The following SH3YL1 variants were observed in gnomAD, a reference collection of about 807,000 sequenced individuals.
SH3YL1 encodes SH3 and SYLF domain containing 1.
SH3YL1 carries 41 observed loss-of-function variants against 45.8 expected under a neutral mutation model. The ratio of observed to expected loss-of-function variants is 0.89; its 90% CI spans 0.70 to 1.16. SH3YL1 has a LOEUF of 1.16. Ranked by LOEUF, SH3YL1 falls within the 50% of genes most tolerant of loss-of-function variation. The pLI is 0.00. For missense variants in SH3YL1, 389 were observed against 409.6 expected (o/e 0.95, Z 0.43); for synonymous variants, 152 against 151.4 (o/e 1.00, Z -0.03).
intron 4 of SH3YL1, among the ~76,000 whole-genome samples, chr2:235,585 C>A (rs868507564): frequency 3.6e-5 from 1 of 27,400 alleles, no homozygotes; most frequent in Non-Finnish European, 6.2e-5. Context: ...GGCAGCAGCA[C>A]GGGCCAGGGG....
chr2:264,794 G>T (rs145245512), upstream of SH3YL1: 2 of 697,856 alleles, frequency 2.9e-6, no homozygotes, highest in African/African-American at 1.9e-5. Flanking sequence ...TCATAGGACC[G>T]CCTCCGCAGG....
At chr2:230,072 A>C (rs539991096) in intron 7 of SH3YL1, 28 bp from the exon 8 acceptor site, 2 of 1,544,032 alleles carry the variant, frequency 1.3e-6, no homozygotes, top group Non-Finnish European at 1.8e-6. Context: ...ATAAATACAC[A>C]TAATTTTAAA....
rs368725946 is a variant in SH3YL1 at position 231,171 on chromosome 2, C to T, written c.554G>A (p.Arg185Gln). 1.4e-5 allele frequency: 22 copies of T among 1,611,552 alleles called. No homozygotes were observed. The highest frequency in any genetic ancestry group is 2.2e-5 in the South Asian group (2 of 90,548). Reference protein sequence around the residue: ...TNRKFYCQDIRAYDILFGDTP... With the variant: ...TNRKFYCQDIQAYDILFGDTP... ...ATCTCCAAATAAAATGTCATAAGCTCGGATATCTTGACAATAAAATCTAAT... is the reference window on the plus strand; with the variant it reads ...ATCTCCAAATAAAATGTCATAAGCTTGGATATCTTGACAATAAAATCTAAT... Residue 185 changes from arginine to glutamine, a missense_variant, in exon 7 of 10, where the codon CGA (arginine) becomes CAA (glutamine). Coordinates refer to ENST00000356150, the MANE Select transcript of SH3YL1 (RefSeq NM_015677.4).
intron 6 of SH3YL1, among the ~76,000 whole-genome samples, chr2:232,364 T>A: frequency 6.6e-6 from 1 of 152,090 alleles, no homozygotes. Flanking sequence ...GAGTTGTAAC[T>A]GGTGTGCCTT....
Position 218,708 on chromosome 2 carries a change from C to T in SH3YL1, c.*103G>A. On this transcript the variant is annotated 3_prime_UTR_variant, in exon 10 of 10. Coordinates refer to ENST00000356150, the MANE Select transcript of SH3YL1 (RefSeq NM_015677.4). The stretch of plus-strand genomic sequence containing the variant: ...CATACGGAATGGAAATTTTGTAGAA[C>T]AGAAGTTTTTTAAAATTTATATTAA... The T allele has an allele frequency of 9.9e-7, 1 of 1,007,974 alleles. No homozygotes were observed. The allele number at this position is 1,007,974 out of a possible 1,614,324, so 62.4% of individuals were successfully genotyped here. A position where few individuals can be genotyped will look rare whatever the true frequency, so the allele number is the denominator to read the frequency against.
At chr2:227,570 A>G (rs1353798953) in intron 8 of SH3YL1, among the ~76,000 whole-genome samples, 1 of 152,164 alleles carries the variant, frequency 6.6e-6, no homozygotes, top group Non-Finnish European at 1.5e-5. Flanking sequence ...CAAATAACAA[A>G]TAAATAAATA....
intron 1 of SH3YL1, among the ~76,000 whole-genome samples, chr2:254,283 T>C (rs1340045326): frequency 6.6e-6 from 1 of 152,200 alleles, no homozygotes; most frequent in African/African-American, 2.4e-5. Flanking sequence ...TGGACATTCA[T>C]ACACTCATCA....
At chr2:255,723 G>T (rs941694612) in intron 1 of SH3YL1, among the ~76,000 whole-genome samples, 1 of 151,476 alleles carries the variant, frequency 6.6e-6, no homozygotes, top group African/African-American at 2.4e-5. Flanking sequence ...ACAAGATCCA[G>T]ACCAGGAAAA....
chr2:229,634 CAGG>C (rs1401091472), intron 8 of SH3YL1, among the ~76,000 whole-genome samples: 1 of 144,574 alleles, frequency 6.9e-6, no homozygotes, highest in Non-Finnish European at 1.5e-5. Context: ...GAGGCTGAGG[CAGG>C]AGAATGGCGT....
At chr2:238,427 T>A (rs1333724644) in intron 4 of SH3YL1, among the ~76,000 whole-genome samples, 1 of 152,156 alleles carries the variant, frequency 6.6e-6, no homozygotes, top group African/African-American at 2.4e-5. Context: ...GCTTAGAAAC[T>A]GGACTCTGAT....
At position 247,615 on chromosome 2, in the gene SH3YL1, C is replaced by T; in HGVS notation, c.227-13G>A. ...GGTGCAGACCATTCTAATAAAAAAA[C>T]AAACGAACGTTATCCTAACATTAAA... On this transcript the variant is annotated splice_polypyrimidine_tract_variant and intron_variant, in intron 3 of 9. Coordinates refer to ENST00000356150, the MANE Select transcript of SH3YL1 (RefSeq NM_015677.4). The T allele has an allele frequency of 6.5e-7, 1 of 1,547,506 alleles. No individual in the cohort carries two copies. Among genetic ancestry groups the T allele is most frequent in the Non-Finnish European group, 8.7e-7 (1 of 1,145,198 alleles).
rs529613434 is a variant in SH3YL1 at position 243,643 on chromosome 2, A to C, written c.291+3895T>G. On this transcript the variant is annotated intron_variant, in intron 4 of 9. Transcript: ENST00000356150. ...ACGAAGAAGAGTTTAACTAAACTTTAAGCAACAGCCTTGCTTGGACCTTTC... is the reference window on the plus strand; with the variant it reads ...ACGAAGAAGAGTTTAACTAAACTTTCAGCAACAGCCTTGCTTGGACCTTTC... The C allele has an allele frequency of 5.1e-5, 74 of 1,448,366 alleles. 1 individual carries two copies. In the South Asian group the frequency reaches 1.0e-3, roughly 20 times the overall value. The allele number at this position is 1,448,366 out of a possible 1,614,324, so 89.7% of individuals were successfully genotyped here.
At chr2:251,101 C>T (rs983475296) in intron 2 of SH3YL1, among the ~76,000 whole-genome samples, 2 of 152,088 alleles carry the variant, frequency 1.3e-5, no homozygotes, top group African/African-American at 2.4e-5. Flanking sequence ...GGACATATTC[C>T]ACATGTCAAT....
intron 9 of SH3YL1, 134 bp from the exon 10 acceptor site, chr2:219,135 CTG>C: frequency 1.7e-6 from 1 of 585,774 alleles, no homozygotes; most frequent in Non-Finnish European, 2.9e-6. Context: ...CCACAACAGT[CTG>C]TGTAATTTTC....
Position 218,984 on chromosome 2 carries a change from T to A in SH3YL1, c.856A>T (p.Ile286Leu). ...AATGAATACAGCGCTGTCACTTCTATGGGTTGATTCAAATTGCCTGAAACA... is the reference window on the plus strand; with the variant it reads ...AATGAATACAGCGCTGTCACTTCTAAGGGTTGATTCAAATTGCCTGAAACA... The part of the protein sequence containing the change: ...HERVGNLNQP[I>L]EVTALYSFEG... Residue 286 changes from isoleucine (I) to leucine (L), a missense_variant, in exon 10 of 10, where the codon ATA becomes TTA. Coordinates refer to ENST00000356150, the MANE Select transcript of SH3YL1 (RefSeq NM_015677.4). The A allele has an allele frequency of 6.2e-7, 1 of 1,608,840 alleles. No individual in the cohort carries two copies. Among genetic ancestry groups the A allele is most frequent in the Non-Finnish European group, 8.5e-7 (1 of 1,177,978 alleles).
chr2:249,551 G>C (rs529672647), intron 3 of SH3YL1, among the ~76,000 whole-genome samples, 180 bp downstream of exon 3: 7 of 152,216 alleles, frequency 4.6e-5, no homozygotes, highest in African/African-American at 1.7e-4. Flanking sequence ...AGACGGAAAG[G>C]CTGGTTCCTG....
rs201370485 is a variant in SH3YL1 at position 233,196 on chromosome 2, G to A, written c.438C>T (p.Ser146=). 1.9e-5 allele frequency: 30 copies of A among 1,590,004 alleles called. No homozygotes were observed. The highest frequency in any genetic ancestry group is 2.3e-5 in the Non-Finnish European group (27 of 1,166,388). The change falls in exon 6 of 10, where the codon TCC becomes TCT. Residue 146 remains serine (S), a synonymous_variant. Transcript: ENST00000356150. The stretch of plus-strand genomic sequence containing the variant: ...ACTTGCAGTACGTGAAGACGGCAGC[G>A]GAGCTTCTCAGGGCCACGTTTCCTT... ...NLEGNVALRS[S]AAVFTYCKSR... is the part of the protein sequence containing the mutation.
chr2:255,218 G>GA (rs1352848428), intron 1 of SH3YL1, among the ~76,000 whole-genome samples: 4 of 152,144 alleles, frequency 2.6e-5, no homozygotes, highest in South Asian at 4.1e-4. Flanking sequence ...AAACAGCAGA[G>GA]AAAAAAATCC....
intron 4 of SH3YL1, among the ~76,000 whole-genome samples, chr2:236,809 T>C (rs1355576625): frequency 7.2e-5 from 11 of 152,204 alleles, no homozygotes; most frequent in Non-Finnish European, 1.6e-4. Flanking sequence ...AATGAGATTA[T>C]ACTTGAAAGG....
Sources: allele counts gnomAD v4.1 joint callset (sites outside exome capture counted in the v4.1 genomes callset), GRCh38; gene constraint gnomAD v4.1.1; transcripts MANE v1.5; gene names NCBI Gene and HGNC (gene_info 2026-07-23, HGNC 2026-07-21).